USH2A: variants seen among roughly 807,000 people sequenced by gnomAD.
USH2A encodes the protein usherin.
A neutral mutation model predicts 538.9 loss-of-function variants in USH2A; 443 were observed. The ratio of observed to expected loss-of-function variants is 0.82; its 90% CI spans 0.76 to 0.89. The LOEUF is 0.89. USH2A is among the 40% of genes least tolerant of loss of function. The probability of loss-of-function intolerance (pLI) is 0.00; values close to 1 mark genes in which losing one functional copy is unlikely to be tolerated. For missense variants in USH2A, 6,633 were observed against 6,324.8 expected (o/e 1.05, Z -1.65); for synonymous variants, 2,413 against 2,273.5 (o/e 1.06, Z -1.75).
At chr1:215,821,622 C>A (rs1663017271) in intron 47 of USH2A, among the ~76,000 whole-genome samples, 1 of 151,698 alleles carries the variant, frequency 6.6e-6, no homozygotes. Flanking sequence ...CTGATGTAAT[C>A]CCATTTTTCT....
At chr1:216,400,023 A>G (rs2039279295) in intron 3 of USH2A, among the ~76,000 whole-genome samples, 1 of 152,154 alleles carries the variant, frequency 6.6e-6, no homozygotes, top group African/African-American at 2.4e-5. Flanking sequence ...ATCACTTGTC[A>G]TACTAAGAAC....
In USH2A at chr1:215,671,106, CTT is replaced by C; in HGVS notation, c.13997_13998del (p.Lys4666SerfsTer16). On this transcript the variant is annotated frameshift_variant, in exon 64 of 72. Coordinates refer to ENST00000307340, the MANE Select transcript of USH2A (RefSeq NM_206933.4). LOFTEE classifies it high-confidence loss of function. ...CTTCTGTATAATTCGTAATACAAAA[CTT>C]TTCCATTTGGCTGCAGCGGTCCTGT... Reference protein sequence around the residue: ...LWTGPLQPNGKVLYYELYRRQ... With the variant: ...LWTGPLQPNGXVLYYELYRRQ... 6.2e-7 allele frequency: 1 copy of C among 1,614,120 alleles called. No individual in the cohort carries two copies. Among genetic ancestry groups the C allele is most frequent in the East Asian group, 2.2e-5 (1 of 44,870 alleles).
intron 44 of USH2A, among the ~76,000 whole-genome samples, chr1:215,861,143 C>G (rs995680459): frequency 1.3e-5 from 2 of 152,202 alleles, no homozygotes; most frequent in Non-Finnish European, 2.9e-5. Flanking sequence ...TGTCTTGTCT[C>G]TAGTTTACCC....
intron 58 of USH2A, among the ~76,000 whole-genome samples, chr1:215,747,152 T>C (rs572305309): frequency 8.5e-5 from 13 of 152,270 alleles, no homozygotes; most frequent in Non-Finnish European, 1.8e-4. Context: ...CAAAGGACAA[T>C]GTAATGTTAG....
intron 50 of USH2A, among the ~76,000 whole-genome samples, chr1:215,794,239 G>T (rs906608021): frequency 2.6e-5 from 4 of 152,162 alleles, no homozygotes; most frequent in Non-Finnish European, 5.9e-5. Context: ...ACTGAACTGG[G>T]ACCAGGGAGA....
intron 22 of USH2A, among the ~76,000 whole-genome samples, chr1:216,091,310 T>C (rs901585333): frequency 6.6e-6 from 1 of 152,214 alleles, no homozygotes; most frequent in Non-Finnish European, 1.5e-5. Flanking sequence ...GTGAATTTCC[T>C]GTTAATGTCA....
At chr1:216,330,953 G>C (rs1024662408) in intron 4 of USH2A, among the ~76,000 whole-genome samples, 2 of 151,988 alleles carry the variant, frequency 1.3e-5, no homozygotes, top group Non-Finnish European at 2.9e-5. Context: ...TCTGCTGCAG[G>C]GGGATAATGA....
chr1:216,062,369 A>T (rs925227273), intron 30 of USH2A, among the ~76,000 whole-genome samples: 4 of 152,200 alleles, frequency 2.6e-5, no homozygotes, highest in Non-Finnish European at 4.4e-5. Context: ...CATATCAAAG[A>T]CTGAACTAGA....
At chr1:215,957,192 C>T (rs372902239) in intron 37 of USH2A, among the ~76,000 whole-genome samples, 1 of 152,132 alleles carries the variant, frequency 6.6e-6, no homozygotes, top group African/African-American at 2.4e-5. Context: ...CCCCTACATT[C>T]CCAATGTTTT....
In USH2A at chr1:216,062,873, A is replaced by G. The variant is rs572468562; in HGVS notation, c.6049+7228T>C. 3.3e-5 allele frequency among the ~76,000 whole-genome samples: 5 copies of G among 152,314 alleles called. No individual in the cohort carries two copies. In the South Asian group the frequency reaches 1.0e-3, roughly 32 times the overall value. On this transcript the variant is annotated intron_variant, in intron 30 of 71. Transcript: ENST00000307340. ...AAGCTGAAGAAAGACCCAAATCTGA[A>G]GAATAAAAGAGCTTATTATACAACA...
chr1:215,869,551 T>C (rs1664570470), intron 43 of USH2A, among the ~76,000 whole-genome samples: 1 of 152,176 alleles, frequency 6.6e-6, no homozygotes, highest in Non-Finnish European at 1.5e-5. Context: ...ATGAAGCTAA[T>C]GGCTCACAAG....
chr1:215,995,051 G>C (rs191638850), intron 34 of USH2A, among the ~76,000 whole-genome samples: 9 of 152,164 alleles, frequency 5.9e-5, no homozygotes, highest in African/African-American at 1.9e-4. Flanking sequence ...ATTTAATTCT[G>C]ATAGTCTACT....
chr1:216,025,551 C>T (rs947078940), intron 32 of USH2A, among the ~76,000 whole-genome samples: 2 of 151,896 alleles, frequency 1.3e-5, no homozygotes, highest in African/African-American at 4.8e-5. Flanking sequence ...TCATTAAAAC[C>T]ACATAGTATG....
chr1:216,293,372 A>C (rs1187890052), intron 9 of USH2A, among the ~76,000 whole-genome samples: 1 of 152,116 alleles, frequency 6.6e-6, no homozygotes, highest in Non-Finnish European at 1.5e-5. Flanking sequence ...TCTAAGTTTG[A>C]ATCAGCTTCC....
chr1:215,778,504 G>C (rs572117929), intron 55 of USH2A, among the ~76,000 whole-genome samples: 3 of 152,278 alleles, frequency 2.0e-5, no homozygotes, highest in East Asian at 1.9e-4. Context: ...ATGTGTTAGG[G>C]AATTGTGGCA....
intron 13 of USH2A, among the ~76,000 whole-genome samples, chr1:216,246,229 G>T (rs1339119834): frequency 6.6e-6 from 1 of 152,076 alleles, no homozygotes. Context: ...GCATTGTATG[G>T]ATATTCAACT....
intron 11 of USH2A, among the ~76,000 whole-genome samples, chr1:216,264,243 T>C (rs1189369451): frequency 2.0e-5 from 3 of 151,822 alleles, no homozygotes; most frequent in Non-Finnish European, 4.4e-5. Context: ...TTCACAGAAA[T>C]AGAAGAAAAA....
At chr1:216,266,966 G>A (rs901337032) in intron 11 of USH2A, among the ~76,000 whole-genome samples, 2 of 151,754 alleles carry the variant, frequency 1.3e-5, no homozygotes, top group Admixed American at 1.3e-4. Flanking sequence ...CATGTTAAGT[G>A]TTTAATTGGA....
intron 49 of USH2A, among the ~76,000 whole-genome samples, chr1:215,804,461 A>C (rs1445118834): frequency 4.6e-5 from 7 of 151,816 alleles, no homozygotes; most frequent in Non-Finnish European, 1.0e-4. Flanking sequence ...ACCCCATCAA[A>C]AAGTGGGTGA....
Sources: gnomAD v4.1 joint callset for allele counts (sites outside exome capture counted in the v4.1 genomes callset) on GRCh38, gnomAD v4.1.1 for gene constraint, MANE v1.5 for transcripts, NCBI Gene and HGNC (gene_info 2026-07-23, HGNC 2026-07-21) for gene names.